The following TBCK variants were observed in gnomAD, a reference collection of about 807,000 sequenced individuals.
TBCK encodes the protein TBC1 domain containing kinase.
Under a neutral mutation model 113.4 loss-of-function variants are expected in TBCK, and 99 were observed. That is an observed-to-expected ratio of 0.87 (90% CI 0.74 to 1.03). The LOEUF is 1.03. Ranked by LOEUF, TBCK falls within the 50% of genes least tolerant of loss-of-function variation. The probability of loss-of-function intolerance (pLI) is 0.00; values close to 1 mark genes in which losing one functional copy is unlikely to be tolerated. For missense variants in TBCK, 1,045 were observed against 1,061.3 expected (o/e 0.98, Z 0.21); for synonymous variants, 369 against 370.8 (o/e 1.00, Z 0.05).
At chr4:106,083,395 A>G (rs1480799523) in intron 25 of TBCK, among the ~76,000 whole-genome samples, 4 of 152,298 alleles carry the variant, frequency 2.6e-5, no homozygotes, top group East Asian at 1.9e-4. Context: ...ACAATCTCCA[A>G]TAACTCCAGC....
At chr4:106,247,460 CTG>C in intron 9 of TBCK, 173 bp from the exon 10 acceptor site, 2 of 553,820 alleles carry the variant, frequency 3.6e-6, no homozygotes, top group South Asian at 2.6e-5. Flanking sequence ...AATCAAATAA[CTG>C]TGAGTAAATA....
intron 25 of TBCK, among the ~76,000 whole-genome samples, chr4:106,092,775 T>C (rs1478908115): frequency 6.6e-6 from 1 of 152,186 alleles, no homozygotes; most frequent in African/African-American, 2.4e-5. Context: ...TGCCTCTTCC[T>C]CCACACCTCC....
At chr4:106,226,711 A>G (rs1332344746) in intron 19 of TBCK, among the ~76,000 whole-genome samples, 3 of 152,228 alleles carry the variant, frequency 2.0e-5, no homozygotes, top group Middle Eastern at 3.4e-3. Context: ...TCACCATTTG[A>G]CAGATTATTT....
intron 23 of TBCK, among the ~76,000 whole-genome samples, chr4:106,133,560 C>T (rs1229068264): frequency 2.0e-5 from 3 of 152,136 alleles, no homozygotes; most frequent in Non-Finnish European, 4.4e-5. Context: ...AGATAACATA[C>T]ACAAGTCAAT....
chr4:106,103,845 T>C (rs1741833258), intron 24 of TBCK, among the ~76,000 whole-genome samples: 1 of 152,122 alleles, frequency 6.6e-6, no homozygotes, highest in African/African-American at 2.4e-5. Context: ...CAACTTGACC[T>C]TTAGAGAATG....
At chr4:106,100,848 C>T (rs1741466934) in intron 24 of TBCK, among the ~76,000 whole-genome samples, 1 of 152,190 alleles carries the variant, frequency 6.6e-6, no homozygotes, top group African/African-American at 2.4e-5. Flanking sequence ...ATCCACAATT[C>T]TTGTAACTTC....
At chr4:106,211,740 C>T (rs1320120455) in intron 20 of TBCK, among the ~76,000 whole-genome samples, 18 of 152,060 alleles carry the variant, frequency 1.2e-4, no homozygotes, top group African/African-American at 3.9e-4. Context: ...TAAGCCCCCT[C>T]GGTACCCATA....
At chr4:106,313,807 T>C (rs1768448614) in intron 1 of TBCK, among the ~76,000 whole-genome samples, 1 of 152,174 alleles carries the variant, frequency 6.6e-6, no homozygotes, top group South Asian at 2.1e-4. Context: ...CACCTACCTA[T>C]TCCCCAGGAG....
intron 15 of TBCK, among the ~76,000 whole-genome samples, chr4:106,234,686 T>C (rs1759254254): frequency 6.6e-6 from 1 of 152,068 alleles, no homozygotes; most frequent in Non-Finnish European, 1.5e-5. Context: ...TGACAAGAAA[T>C]GAAAAAAATC....
At chr4:106,273,416 T>C (rs1242968601) in intron 3 of TBCK, among the ~76,000 whole-genome samples, 1 of 152,216 alleles carries the variant, frequency 6.6e-6, no homozygotes, top group African/African-American at 2.4e-5. Flanking sequence ...CAGAAAATCT[T>C]TTCTGCATTT....
intron 14 of TBCK, among the ~76,000 whole-genome samples, chr4:106,235,686 G>A (rs780191671): frequency 2.0e-5 from 3 of 151,906 alleles, no homozygotes; most frequent in Non-Finnish European, 2.9e-5. Flanking sequence ...AGTCTCATAC[G>A]GGTTAAATAA....
chr4:106,153,020 CTT>C (rs1209299686), intron 23 of TBCK, among the ~76,000 whole-genome samples: 1 of 151,950 alleles, frequency 6.6e-6, no homozygotes, highest in African/African-American at 2.4e-5. Flanking sequence ...AAAACCAACT[CTT>C]TGTTTCATTG....
chr4:106,133,884 C>T (rs955315166), intron 23 of TBCK, among the ~76,000 whole-genome samples: 3 of 152,110 alleles, frequency 2.0e-5, no homozygotes, highest in Non-Finnish European at 4.4e-5. Context: ...GTGGTGGGTG[C>T]CTGTAATACC....
chr4:106,261,532 T>A (rs555606930), intron 4 of TBCK, among the ~76,000 whole-genome samples: 2 of 152,244 alleles, frequency 1.3e-5, no homozygotes, highest in African/African-American at 4.8e-5. Flanking sequence ...ATTACAATTA[T>A]TCCTGAAAAT....
intron 25 of TBCK, among the ~76,000 whole-genome samples, chr4:106,060,282 T>C (rs1490353949): frequency 2.0e-5 from 3 of 151,758 alleles, no homozygotes; most frequent in Non-Finnish European, 2.9e-5. Context: ...AGATAAGAGA[T>C]CAATGCCTGG....
At chr4:106,265,283 A>T (rs561521882) in intron 3 of TBCK, among the ~76,000 whole-genome samples, 1 of 152,050 alleles carries the variant, frequency 6.6e-6, no homozygotes, top group South Asian at 2.1e-4. Flanking sequence ...ATATATATCT[A>T]TGAGGTACAT....
chr4:106,211,018 C>G (rs1319394237), intron 20 of TBCK, among the ~76,000 whole-genome samples: 1 of 152,076 alleles, frequency 6.6e-6, no homozygotes, highest in African/African-American at 2.4e-5. Flanking sequence ...GTCTCAAACT[C>G]CTAGCCTCAA....
At chr4:106,315,784 G>A (rs72660532) in intron 1 of TBCK, 147 bp downstream of exon 1, 11,706 of 152,428 alleles carry the variant, frequency 0.077, 511 homozygotes, top group Middle Eastern at 0.18. Flanking sequence ...TAGGGATGGA[G>A]ACAGTACCTA....
intron 24 of TBCK, among the ~76,000 whole-genome samples, chr4:106,101,402 G>C (rs1741532417): frequency 6.6e-6 from 1 of 152,068 alleles, no homozygotes; most frequent in South Asian, 2.1e-4. Flanking sequence ...TTGAACCTAA[G>C]CCCAAATGAG....
Sources: allele counts gnomAD v4.1 joint callset (sites outside exome capture counted in the v4.1 genomes callset), GRCh38; gene constraint gnomAD v4.1.1; transcripts MANE v1.5; gene names NCBI Gene and HGNC (gene_info 2026-07-23, HGNC 2026-07-21).